The following TACR1 variants were observed in gnomAD, a reference collection of about 807,000 sequenced individuals.
TACR1 encodes tachykinin receptor 1.
Under a neutral mutation model 35.8 loss-of-function variants are expected in TACR1, and 25 were observed. That is an observed-to-expected ratio of 0.70 (90% confidence interval 0.51 to 0.98). The LOEUF (loss-of-function observed/expected upper bound fraction) is 0.98. Among genes scored for constraint, TACR1 ranks in the 50% least tolerant of loss-of-function variants. TACR1 has a pLI of 0.00. For synonymous variants in TACR1, 195 were observed against 206.7 expected (o/e 0.94, Z 0.48); for missense variants, 478 against 522.9 (o/e 0.91, Z 0.84).
At chr2:75,155,359 C>T (rs1674819517) in intron 1 of TACR1, among the ~76,000 whole-genome samples, 1 of 152,126 alleles carries the variant, frequency 6.6e-6, no homozygotes, top group South Asian at 2.1e-4. Context: ...GCTCATCTTT[C>T]TGCCTCTCTT....
intron 2 of TACR1, among the ~76,000 whole-genome samples, chr2:75,100,540 T>C (rs1450498244): frequency 6.6e-6 from 1 of 152,204 alleles, no homozygotes; most frequent in Non-Finnish European, 1.5e-5. Context: ...CTGTTGAGCA[T>C]TTCATGACTC....
intron 2 of TACR1, among the ~76,000 whole-genome samples, chr2:75,081,630 A>T (rs1673088896): frequency 1.3e-5 from 2 of 152,162 alleles, no homozygotes; most frequent in South Asian, 4.1e-4. Context: ...GTGGGCCAGG[A>T]TGAGAGCTAT....
At chr2:75,115,742 T>TAA (rs1316762822) in intron 2 of TACR1, among the ~76,000 whole-genome samples, 1 of 151,408 alleles carries the variant, frequency 6.6e-6, no homozygotes, top group Non-Finnish European at 1.5e-5. Flanking sequence ...CCGTCTCTGC[T>TAA]AAAAATACAA....
At chr2:75,073,942 G>A (rs1212636520) in intron 2 of TACR1, among the ~76,000 whole-genome samples, 3 of 152,124 alleles carry the variant, frequency 2.0e-5, no homozygotes, top group Non-Finnish European at 4.4e-5. Flanking sequence ...GAACCTGAAG[G>A]CAACTCCTCA....
At position 75,049,546 on chromosome 2, in the gene TACR1, C is replaced by T. The variant is rs2103775810; in HGVS notation, c.1110G>A (p.Glu370=). The change falls in exon 5 of 5, where the codon GAG becomes GAA. Residue 370 remains glutamate (E), a synonymous_variant. Transcript: ENST00000305249. ...TVVGAHEEEP[E]DGPKATPSSL... ...ACGAGGGTGTGGCCTTGGGGCCGTC[C>T]TCTGGCTCCTCCTCGTGGGCCCCCA... 1.2e-6 allele frequency: 2 copies of T among 1,614,178 alleles called. No individual in the cohort carries two copies. Among genetic ancestry groups the T allele is most frequent in the African/African-American group, 2.7e-5 (2 of 75,068 alleles).
At chr2:75,126,146 C>T (rs909791058) in intron 1 of TACR1, among the ~76,000 whole-genome samples, 1 of 152,076 alleles carries the variant, frequency 6.6e-6, no homozygotes, top group Admixed American at 6.6e-5. Context: ...TCATTTAGTT[C>T]CCACTTATAA....
At chr2:75,106,056 T>A (rs1215963609) in intron 2 of TACR1, among the ~76,000 whole-genome samples, 1 of 152,034 alleles carries the variant, frequency 6.6e-6, no homozygotes, top group Admixed American at 6.6e-5. Flanking sequence ...TTGTGATAAA[T>A]GTACTATACT....
At chr2:75,169,209 G>A (rs746490892) in intron 1 of TACR1, among the ~76,000 whole-genome samples, 2 of 151,870 alleles carry the variant, frequency 1.3e-5, no homozygotes, top group Non-Finnish European at 2.9e-5. Flanking sequence ...ACAACTGAGT[G>A]GAAATCATGT....
At chr2:75,146,524 G>A (rs1040137036) in intron 1 of TACR1, among the ~76,000 whole-genome samples, 1 of 152,188 alleles carries the variant, frequency 6.6e-6, no homozygotes, top group Admixed American at 6.5e-5. Flanking sequence ...ATGAAGAAGA[G>A]TCCGCTGTAT....
chr2:75,143,760 A>G (rs1188325074), intron 1 of TACR1, among the ~76,000 whole-genome samples: 1 of 152,244 alleles, frequency 6.6e-6, no homozygotes, highest in Non-Finnish European at 1.5e-5. Context: ...ATTTGGACCC[A>G]AGGAGACTGG....
intron 1 of TACR1, among the ~76,000 whole-genome samples, chr2:75,144,462 T>C (rs10208860): frequency 2.6e-5 from 4 of 152,018 alleles, no homozygotes; most frequent in Non-Finnish European, 5.9e-5. Context: ...CACAGCCTCA[T>C]AGAGAAATGA....
At chr2:75,129,190 C>T (rs1281258707) in intron 1 of TACR1, among the ~76,000 whole-genome samples, 1 of 152,154 alleles carries the variant, frequency 6.6e-6, no homozygotes, top group African/African-American at 2.4e-5. Flanking sequence ...TTAGTGGAAA[C>T]TCAATAATGG....
At chr2:75,059,647 G>A (rs914886036) in intron 2 of TACR1, among the ~76,000 whole-genome samples, 3 of 152,194 alleles carry the variant, frequency 2.0e-5, no homozygotes, top group Non-Finnish European at 2.9e-5. Flanking sequence ...CTGTGGTCAC[G>A]TAGCTTTCAC....
chr2:75,179,055 T>G (rs1028204637), intron 1 of TACR1, among the ~76,000 whole-genome samples: 2 of 152,214 alleles, frequency 1.3e-5, no homozygotes, highest in African/African-American at 4.8e-5. Context: ...TGCTTATTCA[T>G]GAAGTATCTC....
intron 2 of TACR1, among the ~76,000 whole-genome samples, chr2:75,082,991 G>C (rs1336046438): frequency 6.6e-6 from 1 of 152,104 alleles, no homozygotes; most frequent in Non-Finnish European, 1.5e-5. Context: ...TAGTCATGAA[G>C]TCCTTGCCCA....
At chr2:75,184,966 TA>T (rs1675654484) in intron 1 of TACR1, among the ~76,000 whole-genome samples, 1 of 151,878 alleles carries the variant, frequency 6.6e-6, no homozygotes, top group Non-Finnish European at 1.5e-5. Context: ...GTATTTCCAG[TA>T]AAAATTTCAA....
At chr2:75,100,335 C>G (rs1673512690) in intron 2 of TACR1, among the ~76,000 whole-genome samples, 1 of 152,182 alleles carries the variant, frequency 6.6e-6, no homozygotes, top group South Asian at 2.1e-4. Flanking sequence ...TGAATGCTAG[C>G]AATTATTATT....
chr2:75,161,105 C>G (rs1483470273), intron 1 of TACR1, among the ~76,000 whole-genome samples: 1 of 151,898 alleles, frequency 6.6e-6, no homozygotes, highest in Non-Finnish European at 1.5e-5. Flanking sequence ...TATAAGAGAT[C>G]AGGAAGTATA....
chr2:75,154,733 T>C (rs1572963365), intron 1 of TACR1, among the ~76,000 whole-genome samples: 1 of 151,774 alleles, frequency 6.6e-6, no homozygotes, highest in Admixed American at 6.6e-5. Context: ...CTTCTCTGGG[T>C]TTTCTGGCCC....
Sources: gnomAD v4.1 joint callset for allele counts (sites outside exome capture counted in the v4.1 genomes callset) on GRCh38, gnomAD v4.1.1 for gene constraint, MANE v1.5 for transcripts, NCBI Gene and HGNC (gene_info 2026-07-23, HGNC 2026-07-21) for gene names.